DLG2: variants seen among roughly 807,000 people sequenced by gnomAD.
The protein encoded by DLG2 is discs large MAGUK scaffold protein 2.
DLG2 carries 45 observed loss-of-function variants against 132.5 expected under a neutral mutation model. The ratio of observed to expected loss-of-function variants is 0.34; its 90% CI spans 0.27 to 0.44. DLG2 has a LOEUF of 0.44. Ranked by LOEUF, DLG2 falls within the 20% of genes least tolerant of loss-of-function variation. The probability of loss-of-function intolerance (pLI) is 1.00; values close to 1 mark genes in which losing one functional copy is unlikely to be tolerated. For missense variants in DLG2, 1,045 were observed against 1,196.9 expected, an observed-to-expected ratio of 0.87 and a Z score of 1.87; for synonymous variants, 424 against 419.6, an observed-to-expected ratio of 1.01 and a Z score of -0.13.
intron 3 of DLG2, among the ~76,000 whole-genome samples, chr11:85,403,379 T>A (rs79101424): frequency 6.6e-6 from 1 of 151,870 alleles, no homozygotes. Flanking sequence ...TTAGGAGAAA[T>A]ACCTAATGTA....
At chr11:83,647,592 C>A (rs1437288158) in intron 18 of DLG2, 1 of 152,140 alleles carries the variant, frequency 6.6e-6, no homozygotes, top group Non-Finnish European at 1.5e-5. Flanking sequence ...GCTTCATATT[C>A]CCGTAAGTAC....
intron 3 of DLG2, among the ~76,000 whole-genome samples, chr11:85,364,055 A>G (rs1236817001): frequency 6.6e-6 from 1 of 152,312 alleles, no homozygotes; most frequent in Admixed American, 6.5e-5. Context: ...CTGAAGACCA[A>G]TGTTCTACAG....
At chr11:84,334,579 C>T (rs1230742215) in intron 7 of DLG2, among the ~76,000 whole-genome samples, 1 of 152,136 alleles carries the variant, frequency 6.6e-6, no homozygotes, top group African/African-American at 2.4e-5. Context: ...AAGCTAAGAA[C>T]TAAATATAGG....
chr11:84,526,358 G>A (rs897854609), intron 7 of DLG2, among the ~76,000 whole-genome samples: 30 of 152,206 alleles, frequency 2.0e-4, no homozygotes, highest in Admixed American at 1.8e-3. Context: ...ATTCCAATAA[G>A]GGAGTAAAAT....
At chr11:83,539,255 A>G (rs907015636) in intron 20 of DLG2, among the ~76,000 whole-genome samples, 1 of 152,184 alleles carries the variant, frequency 6.6e-6, no homozygotes, top group Non-Finnish European at 1.5e-5. Context: ...TTCATTTGGG[A>G]TGATTAAATG....
rs1205721640 is a variant in DLG2, at chr11:85,514,301, C to T, written c.40+84356G>A. ...AAATAATCTTCCAAAGTTTTTACAG[C>T]TCATTGGTGGATGTGAAACAGAGCC... On this transcript the variant is annotated intron_variant, in intron 3 of 27. Coordinates refer to ENST00000376104, the MANE Select transcript of DLG2 (RefSeq NM_001142699.3). 2.0e-5 allele frequency among the ~76,000 whole-genome samples: 3 copies of T among 152,112 alleles called. No individual in the cohort carries two copies. The East Asian group carries it at 5.8e-4, about 29-fold the overall frequency.
chr11:84,385,092 A>G (rs1014334133), intron 7 of DLG2, among the ~76,000 whole-genome samples: 1 of 152,102 alleles, frequency 6.6e-6, no homozygotes, highest in Middle Eastern at 3.2e-3. Flanking sequence ...CAAAATTATC[A>G]CAGCTCAACC....
At chr11:85,386,338 A>C (rs1413589925) in intron 3 of DLG2, among the ~76,000 whole-genome samples, 1 of 152,186 alleles carries the variant, frequency 6.6e-6, no homozygotes, top group Non-Finnish European at 1.5e-5. Flanking sequence ...ATGTTTGGTA[A>C]GATAAAATAG....
At position 84,640,417 on chromosome 11, in the gene DLG2, T is replaced by A. The variant is rs1282140603; in HGVS notation, c.358-105686A>T. 14 of 422,682 alleles carry A rather than the reference T, an allele frequency of 3.3e-5. No homozygotes were observed. The Admixed American group carries it at 4.8e-4, about 14-fold the overall frequency. The allele number at this position is 422,682 out of a possible 1,614,324, so 26.2% of individuals were successfully genotyped here. On this transcript the variant is annotated intron_variant, in intron 6 of 27. Coordinates refer to ENST00000376104, the MANE Select transcript of DLG2 (RefSeq NM_001142699.3). ...GTATCTCAAGCCCAGAACGATGAAT[T>A]AATCTTTGAAGGAAACAACATTGAG... is the stretch of plus-strand genomic sequence containing the variant.
Position 84,141,513 on chromosome 11 carries a change from G to A in DLG2, c.624+21948C>T, listed in dbSNP as rs183669927. On this transcript the variant is annotated intron_variant, in intron 9 of 27. Transcript: ENST00000376104. The stretch of plus-strand genomic sequence containing the variant: ...AGTTTTTATCCTTTGTCTTTTGCTG[G>A]AAAGCTAAATTGATTATTCTAGTGA... Among the ~76,000 whole-genome samples, 153 of 152,000 alleles carry A rather than the reference G, an allele frequency of 1.0e-3. 3 individuals are homozygous for A. The highest frequency in any genetic ancestry group is 1.9e-3 in the South Asian group (9 of 4,820).
At chr11:83,529,244 A>G (rs902117209) in intron 21 of DLG2, among the ~76,000 whole-genome samples, 4 of 152,134 alleles carry the variant, frequency 2.6e-5, no homozygotes, top group African/African-American at 9.7e-5. Context: ...CCCTGCATCA[A>G]TGACTTATTC....
At chr11:84,525,781 G>T (rs1009719221) in intron 7 of DLG2, among the ~76,000 whole-genome samples, 1 of 152,154 alleles carries the variant, frequency 6.6e-6, no homozygotes, top group Non-Finnish European at 1.5e-5. Flanking sequence ...TGCTTTATGG[G>T]ATGTTTGGGC....
At chr11:85,407,618 C>A (rs769411997) in intron 3 of DLG2, among the ~76,000 whole-genome samples, 1 of 151,722 alleles carries the variant, frequency 6.6e-6, no homozygotes, top group Non-Finnish European at 1.5e-5. Context: ...ACGGGAGTCA[C>A]GAAGCAGCAC....
intron 6 of DLG2, among the ~76,000 whole-genome samples, chr11:84,975,354 G>A (rs2054743753): frequency 2.0e-5 from 3 of 152,184 alleles, no homozygotes. Flanking sequence ...GGAAGTCATA[G>A]TATCAGCCTT....
At chr11:84,827,009 T>G (rs1477569204) in intron 6 of DLG2, among the ~76,000 whole-genome samples, 1 of 151,790 alleles carries the variant, frequency 6.6e-6, no homozygotes, top group African/African-American at 2.4e-5. Context: ...TTAACAAAAC[T>G]CAATTTTTTT....
At chr11:84,159,209 C>A (rs1231815609) in intron 9 of DLG2, among the ~76,000 whole-genome samples, 1 of 152,028 alleles carries the variant, frequency 6.6e-6, no homozygotes, top group Non-Finnish European at 1.5e-5. Flanking sequence ...GTATATAAAT[C>A]ACTTTATATT....
intron 3 of DLG2, among the ~76,000 whole-genome samples, chr11:85,535,198 T>C (rs1403890195): frequency 6.6e-6 from 1 of 152,154 alleles, no homozygotes; most frequent in Non-Finnish European, 1.5e-5. Flanking sequence ...TGGTAAGGAA[T>C]TTTGTTTGTT....
intron 11 of DLG2, among the ~76,000 whole-genome samples, chr11:84,005,292 T>C (rs1367749067): frequency 6.6e-6 from 1 of 151,756 alleles, no homozygotes; most frequent in Admixed American, 6.6e-5. Flanking sequence ...ATATTGGATA[T>C]CCACATGCAA....
At chr11:85,080,913 T>C (rs1178224395) in intron 6 of DLG2, among the ~76,000 whole-genome samples, 1 of 152,070 alleles carries the variant, frequency 6.6e-6, no homozygotes, top group African/African-American at 2.4e-5. Flanking sequence ...AATTTAGGAT[T>C]TGAATTGAGG....
Sources: allele counts gnomAD v4.1 joint callset (sites outside exome capture counted in the v4.1 genomes callset), GRCh38; gene constraint gnomAD v4.1.1; transcripts MANE v1.5; gene names NCBI Gene and HGNC (gene_info 2026-07-23, HGNC 2026-07-21).